OSBPL6: variants seen among roughly 807,000 people sequenced by gnomAD.
OSBPL6 encodes the protein oxysterol binding protein like 6.
A neutral mutation model predicts 125.8 loss-of-function variants in OSBPL6; 49 were observed. That is an observed-to-expected ratio of 0.39 (90% CI 0.31 to 0.49). The LOEUF is 0.49. Among genes scored for constraint, OSBPL6 ranks in the 20% least tolerant of loss-of-function variants. The pLI, the probability that OSBPL6 is intolerant of heterozygous loss-of-function variation, is 0.88. For missense variants in OSBPL6, 986 were observed against 1,135.4 expected (o/e 0.87, Z 1.89); for synonymous variants, 394 against 391.8 (o/e 1.01, Z -0.07).
At chr2:178,232,825 G>T (rs1344168541) in intron 1 of OSBPL6, among the ~76,000 whole-genome samples, 3 of 151,946 alleles carry the variant, frequency 2.0e-5, no homozygotes, top group South Asian at 2.1e-4. Context: ...AATATCCCTC[G>T]CAGTACCTTT....
chr2:178,273,133 T>A (rs1317018527), intron 1 of OSBPL6, among the ~76,000 whole-genome samples: 1 of 152,018 alleles, frequency 6.6e-6, no homozygotes, highest in African/African-American at 2.4e-5. Context: ...GTGAGTATGA[T>A]TGGGGGAATT....
intron 13 of OSBPL6, among the ~76,000 whole-genome samples, chr2:178,366,097 G>A (rs549914095): frequency 2.6e-4 from 40 of 152,112 alleles, no homozygotes; most frequent in Non-Finnish European, 5.7e-4. Context: ...TCACCATGTT[G>A]CCCAGGCTGG....
intron 1 of OSBPL6, among the ~76,000 whole-genome samples, chr2:178,260,514 C>T (rs1363190929): frequency 1.3e-5 from 2 of 151,924 alleles, no homozygotes; most frequent in Non-Finnish European, 2.9e-5. Flanking sequence ...TGTCTGCAGA[C>T]CTGGGATTGG....
At chr2:178,338,632 G>A (rs754300112) in intron 9 of OSBPL6, among the ~76,000 whole-genome samples, 1 of 152,170 alleles carries the variant, frequency 6.6e-6, no homozygotes. Context: ...GCATGTTAGA[G>A]GAGCAGGTAG....
intron 1 of OSBPL6, among the ~76,000 whole-genome samples, chr2:178,216,321 C>T (rs553075796): frequency 2.0e-4 from 30 of 152,160 alleles, no homozygotes; most frequent in African/African-American, 6.7e-4. Context: ...TGAATATACC[C>T]CTTGGTACAT....
rs1349363305 is a variant in OSBPL6, at chr2:178,239,404, T to C, written c.-351+44730T>C. 2.0e-5 allele frequency among the ~76,000 whole-genome samples: 3 copies of C among 151,818 alleles called. No individual in the cohort carries two copies. The East Asian group carries it at 5.8e-4, about 29-fold the overall frequency. On this transcript the variant is annotated intron_variant, in intron 1 of 24. Coordinates refer to ENST00000190611, the MANE Select transcript of OSBPL6 (RefSeq NM_032523.4). Reference sequence around the variant, plus strand: ...GTCAGACCTCATCTCTACAAAAAATTTAAGGATTAGCCGGGTGCAGTAGCA... The same window carrying C: ...GTCAGACCTCATCTCTACAAAAAATCTAAGGATTAGCCGGGTGCAGTAGCA...
At chr2:178,339,606 CTA>C in intron 10 of OSBPL6, 64 bp from the exon 11 acceptor site, 1 of 1,314,020 alleles carries the variant, frequency 7.6e-7, no homozygotes, top group East Asian at 2.6e-5. Flanking sequence ...GTGCTCTTGT[CTA>C]TATCTGTATC....
intron 1 of OSBPL6, among the ~76,000 whole-genome samples, chr2:178,202,328 T>G (rs2089298101): frequency 6.6e-6 from 1 of 152,232 alleles, no homozygotes; most frequent in African/African-American, 2.4e-5. Context: ...TGCTAACTTT[T>G]TCACTTCTGT....
intron 1 of OSBPL6, among the ~76,000 whole-genome samples, chr2:178,239,355 T>G (rs2091192112): frequency 1.3e-5 from 2 of 151,942 alleles, no homozygotes; most frequent in African/African-American, 4.8e-5. Flanking sequence ...GCCCAGGAGT[T>G]CAAGACCAAG....
At chr2:178,364,029 C>A (rs1374574356) in intron 13 of OSBPL6, among the ~76,000 whole-genome samples, 1 of 152,174 alleles carries the variant, frequency 6.6e-6, no homozygotes, top group Non-Finnish European at 1.5e-5. Flanking sequence ...AGTGTGGACT[C>A]CCTTTTGGAA....
At position 178,368,571 on chromosome 2, in the gene OSBPL6, A is replaced by G. The variant is rs116230800; in HGVS notation, c.1288-3555A>G. 7.0e-3 allele frequency among the ~76,000 whole-genome samples: 1,072 copies of G among 152,304 alleles called. 11 individuals are homozygous for G. Among genetic ancestry groups the G allele is most frequent in the African/African-American group, 0.024 (1,010 of 41,554 alleles). On this transcript the variant is annotated intron_variant, in intron 13 of 24. Transcript: ENST00000190611. ...GAACTAGCAAAATGCATCATTATCT[A>G]CTTAAAATGGAACCAAACTGTTTTC...
chr2:178,384,018 T>G (rs758398192), intron 17 of OSBPL6, 21 bp from the exon 18 acceptor site: 1 of 1,611,490 alleles, frequency 6.2e-7, no homozygotes, highest in East Asian at 2.2e-5. Context: ...TATTATTCCC[T>G]TTTCTTCAAT....
chr2:178,349,170 G>C, intron 11 of OSBPL6, 54 bp from the exon 12 acceptor site: 2 of 1,549,844 alleles, frequency 1.3e-6, no homozygotes, highest in East Asian at 2.2e-5. Context: ...CTATGTAGGA[G>C]AATGTGAAAC....
In OSBPL6 at chr2:178,388,354, G is replaced by A. The variant is rs945396271; in HGVS notation, c.2157-655G>A. Reference sequence around the variant, plus strand: ...ATCTTTCTTCAGTGCACACTCTGTGGTGCCTCCCTCCTACCTGGAATCCTG... The same window carrying A: ...ATCTTTCTTCAGTGCACACTCTGTGATGCCTCCCTCCTACCTGGAATCCTG... On this transcript the variant is annotated intron_variant, in intron 20 of 24. Transcript: ENST00000190611. Among the ~76,000 whole-genome samples the A allele has an allele frequency of 2.6e-5, 4 of 152,146 alleles. No homozygotes were observed. In the East Asian group the frequency reaches 7.7e-4, roughly 29 times the overall value.
chr2:178,258,580 T>A (rs2091958623), intron 1 of OSBPL6, among the ~76,000 whole-genome samples: 1 of 152,206 alleles, frequency 6.6e-6, no homozygotes. Context: ...TGGTGATTTT[T>A]AAAAATTTTT....
intron 11 of OSBPL6, among the ~76,000 whole-genome samples, chr2:178,342,085 A>C (rs1690259431): frequency 1.3e-5 from 2 of 152,178 alleles, no homozygotes; most frequent in Non-Finnish European, 2.9e-5. Flanking sequence ...TGTTTTGATC[A>C]TGAGAATTCT....
rs1243065655 is a variant in OSBPL6 at position 178,385,317 on chromosome 2, T to C, written c.2014-141T>C. On this transcript the variant is annotated intron_variant, in intron 18 of 24. Coordinates refer to ENST00000190611, the MANE Select transcript of OSBPL6 (RefSeq NM_032523.4). ...TTATGGGCATTATTTCCCCTCTAAA[T>C]TGTATAAGTTCTCAGTGTTTTTAAA... 3 of 611,858 alleles carry C rather than the reference T, an allele frequency of 4.9e-6. No homozygotes were observed. The Admixed American group carries it at 9.2e-5, about 19-fold the overall frequency. The allele number at this position is 611,858 out of a possible 1,614,324, so 37.9% of individuals were successfully genotyped here.
At chr2:178,254,268 C>T (rs913227936) in intron 1 of OSBPL6, among the ~76,000 whole-genome samples, 1 of 151,980 alleles carries the variant, frequency 6.6e-6, no homozygotes, top group Non-Finnish European at 1.5e-5. Flanking sequence ...TGGTAGGCAC[C>T]TGTAATCCCA....
In OSBPL6 at chr2:178,203,762, A is replaced by C. The variant is rs2089380572; in HGVS notation, c.-351+9088A>C. On this transcript the variant is annotated intron_variant, in intron 1 of 24. Transcript: ENST00000190611. ...CACTCTTTAAGGTCTTGGCTTTAAG[A>C]TTTGTTTAGTGGGACCAGATAGTGC... Among the ~76,000 whole-genome samples, 3 of 152,154 alleles carry C rather than the reference A, an allele frequency of 2.0e-5. No homozygotes were observed. In the South Asian group the frequency reaches 6.2e-4, roughly 32 times the overall value.
Sources: gnomAD v4.1 joint callset for allele counts (sites outside exome capture counted in the v4.1 genomes callset) on GRCh38, gnomAD v4.1.1 for gene constraint, MANE v1.5 for transcripts, NCBI Gene and HGNC (gene_info 2026-07-23, HGNC 2026-07-21) for gene names.